Variants in DMD observed in about 807,000 individuals in gnomAD.
DMD encodes dystrophin.
Under a neutral mutation model 330.1 loss-of-function variants are expected in DMD, and 63 were observed. The ratio of observed to expected loss-of-function variants is 0.19; its 90% CI spans 0.16 to 0.24. DMD has a LOEUF of 0.24. Ranked by LOEUF, DMD falls within the 10% of genes least tolerant of loss-of-function variation. The probability of loss-of-function intolerance (pLI) is 1.00; values close to 1 mark genes in which losing one functional copy is unlikely to be tolerated. For synonymous variants in DMD, 1,223 were observed against 959.8 expected, an observed-to-expected ratio of 1.27 and a Z score of -5.07; for missense variants, 3,344 against 2,684.1, an observed-to-expected ratio of 1.25 and a Z score of -5.43.
At chrX:32,154,535 T>C (rs1327125786) in intron 44 of DMD, among the ~76,000 whole-genome samples, 1 of 111,673 alleles carries the variant, frequency 9.0e-6, no homozygotes, top group Non-Finnish European at 1.9e-5. Flanking sequence ...TAAAACACAG[T>C]ATAGAGGTTC....
chrX:32,707,358 G>C (rs1286750990), intron 7 of DMD, among the ~76,000 whole-genome samples: 1 of 111,756 alleles, frequency 8.9e-6, no homozygotes, highest in Non-Finnish European at 1.9e-5. Flanking sequence ...CCTCTTCGCT[G>C]GGATAGTTTT....
intron 1 of DMD, among the ~76,000 whole-genome samples, chrX:33,192,143 C>T (rs1324828213): frequency 2.7e-5 from 3 of 112,022 alleles, no homozygotes; most frequent in Non-Finnish European, 5.6e-5. Context: ...TCAAAATACT[C>T]GTGTTGGAAC....
chrX:32,921,993 T>C (rs1330806503), intron 2 of DMD, among the ~76,000 whole-genome samples: 1 of 110,996 alleles, frequency 9.0e-6, no homozygotes, highest in East Asian at 2.8e-4. Context: ...CAGTTTCTAC[T>C]ATCCCTAAAT....
intron 1 of DMD, among the ~76,000 whole-genome samples, chrX:33,296,479 T>A (rs1314912652): frequency 9.1e-6 from 1 of 109,557 alleles, no homozygotes; most frequent in Non-Finnish European, 1.9e-5. Context: ...AAATAAGAGG[T>A]TTTTCAATAT....
At chrX:32,201,525 T>C (rs2097038726) in intron 44 of DMD, among the ~76,000 whole-genome samples, 1 of 100,822 alleles carries the variant, frequency 9.9e-6, no homozygotes, top group Non-Finnish European at 2.0e-5. Context: ...GAAAGTTACT[T>C]AACTCTCTGG....
At chrX:32,958,944 G>A (rs1264150744) in intron 2 of DMD, among the ~76,000 whole-genome samples, 1 of 109,563 alleles carries the variant, frequency 9.1e-6, no homozygotes, top group Non-Finnish European at 1.9e-5. Flanking sequence ...TTTAAAACAG[G>A]CATACAGGAA....
rs773383682 is a variant in DMD, at chrX:32,612,055, T to C, written c.1482+2248A>G. 1.0e-4 allele frequency among the ~76,000 whole-genome samples: 7 copies of C among 67,428 alleles called. No individual in the cohort carries two copies. The South Asian group carries it at 4.5e-3, about 43-fold the overall frequency. The allele number at this position is 67,428 out of a possible 115,157, so 58.6% of individuals were successfully genotyped here. On this transcript the variant is annotated intron_variant, in intron 12 of 78. Transcript: ENST00000357033. ...AAACACATCCTGAACAAAAGATTTGTGAACAAATAAATGGTTTATTTGGAG... is the reference window on the plus strand; with the variant it reads ...AAACACATCCTGAACAAAAGATTTGCGAACAAATAAATGGTTTATTTGGAG...
chrX:32,363,376 A>G (rs768417390), intron 36 of DMD, among the ~76,000 whole-genome samples: 2 of 111,865 alleles, frequency 1.8e-5, no homozygotes, highest in Non-Finnish European at 3.8e-5. Flanking sequence ...GAGGTCAGGT[A>G]GCTGAAGAAC....
At chrX:32,927,369 T>C (rs1343492009) in intron 2 of DMD, among the ~76,000 whole-genome samples, 3 of 38,966 alleles carry the variant, frequency 7.7e-5, no homozygotes, top group Admixed American at 2.1e-4. Context: ...CTTTCTTTTT[T>C]TTTTTTTTTT....
chrX:31,684,764 G>A (rs1371584035), intron 52 of DMD, among the ~76,000 whole-genome samples: 2 of 112,177 alleles, frequency 1.8e-5, no homozygotes, highest in African/African-American at 6.5e-5. Flanking sequence ...AATGGAGAAG[G>A]AAAACTAGAA....
intron 59 of DMD, among the ~76,000 whole-genome samples, chrX:31,467,285 G>C (rs991861016): frequency 9.0e-6 from 1 of 111,591 alleles, no homozygotes; most frequent in African/African-American, 3.3e-5. Flanking sequence ...CATTCAGTAT[G>C]ATAATGGCTG....
At chrX:32,979,832 T>G (rs975374564) in intron 2 of DMD, among the ~76,000 whole-genome samples, 2 of 111,333 alleles carry the variant, frequency 1.8e-5, no homozygotes, top group African/African-American at 3.3e-5. Flanking sequence ...CATTAAGTTG[T>G]GGCCTAAAAG....
rs771663298 is a variant in DMD at position 31,379,950 on chromosome X, T to C, written c.9085-31316A>G. Among the ~76,000 whole-genome samples the C allele has an allele frequency of 4.1e-3, 453 of 111,576 alleles. 3 individuals carry two copies. The highest frequency in any genetic ancestry group is 8.7e-3 in the Admixed American group (92 of 10,547). On this transcript the variant is annotated intron_variant, in intron 60 of 78. Transcript: ENST00000357033. ...CAAGGCTCTCTGACTCCTTCCCAGA[T>C]CTTCTCGGTTTAGTGGCTGAAGACT...
intron 1 of DMD, among the ~76,000 whole-genome samples, chrX:33,148,227 C>T (rs12557325): frequency 0.081 from 9,027 of 111,953 alleles, 382 homozygotes; most frequent in South Asian, 0.2. Flanking sequence ...AACAAAGTTT[C>T]GAAAGAAGCA....
chrX:31,822,653 GGTGTGTGTGTGT>G (rs1556919105), intron 49 of DMD, among the ~76,000 whole-genome samples: 10 of 65,806 alleles, frequency 1.5e-4, no homozygotes, highest in South Asian at 1.1e-3. Context: ...AAGGCAGAGG[GGTGTGTGTGTGT>G]GTGTGTGTGT....
chrX:32,801,560 G>A (rs773428470), intron 7 of DMD, among the ~76,000 whole-genome samples: 3 of 112,123 alleles, frequency 2.7e-5, no homozygotes, highest in South Asian at 3.7e-4. Flanking sequence ...TGCTTTTGGT[G>A]TTTCAGTCAT....
chrX:32,876,714 C>A (rs2083409510), intron 2 of DMD, among the ~76,000 whole-genome samples: 1 of 111,615 alleles, frequency 9.0e-6, no homozygotes, highest in Admixed American at 9.5e-5. Context: ...CTAAAACTAG[C>A]ATTGTCTATT....
chrX:32,480,828 G>A (rs939894115), intron 21 of DMD, among the ~76,000 whole-genome samples: 1 of 110,464 alleles, frequency 9.1e-6, no homozygotes, highest in Admixed American at 9.7e-5. Context: ...GCTCTTGATG[G>A]TATTGATAAA....
chrX:33,215,834 G>A (rs1426181840), upstream of DMD, among the ~76,000 whole-genome samples: 1 of 111,524 alleles, frequency 9.0e-6, no homozygotes, highest in Non-Finnish European at 1.9e-5. Context: ...GATGGTTATA[G>A]GTGTGTCGCT....
Sources: allele counts gnomAD v4.1 joint callset (sites outside exome capture counted in the v4.1 genomes callset), GRCh38; gene constraint gnomAD v4.1.1; transcripts MANE v1.5; gene names NCBI Gene and HGNC (gene_info 2026-07-23, HGNC 2026-07-21).